Variants in MYLK3 observed in about 807,000 individuals in gnomAD.
MYLK3 encodes the protein myosin light chain kinase 3.
Under a neutral mutation model 76.3 loss-of-function variants are expected in MYLK3, and 55 were observed. The observed-to-expected ratio is 0.72, with a 90% CI of 0.58 to 0.90. The LOEUF (loss-of-function observed/expected upper bound fraction) is 0.90. MYLK3 is among the 40% of genes least tolerant of loss of function. The pLI is 0.00. For synonymous variants in MYLK3, 416 were observed against 425.4 expected, an observed-to-expected ratio of 0.98 and a Z score of 0.27; for missense variants, 973 against 1,053.6, an observed-to-expected ratio of 0.92 and a Z score of 1.06.
In MYLK3 at chr16:46,732,256, C is replaced by T. The variant is rs781319168; in HGVS notation, c.1414G>A (p.Ala472Thr). ...CAARAPVRAE[A>T]VRRMPPGAEA... ...GCGCCTGGGGGCATCCTCCTTACTG[C>T]TTCAGCTCTCACCGGAGCCCTGGCT... Residue 472 changes from alanine (A) to threonine (T), a missense_variant, in exon 4 of 13, where the codon GCA becomes ACA. Ala to Thr is a moderately conservative substitution (Grantham distance 58). This residue lies in a region of MYLK3 where 641 missense variants were observed against 637.0 expected (regional missense o/e 1.01). Transcript: ENST00000394809. 1.2e-6 allele frequency: 2 copies of T among 1,603,430 alleles called. No individual in the cohort carries two copies. Among genetic ancestry groups the T allele is most frequent in the Non-Finnish European group, 1.7e-6 (2 of 1,179,048 alleles).
intron 3 of MYLK3, among the ~76,000 whole-genome samples, chr16:46,733,909 T>C (rs1966858010): frequency 6.6e-6 from 1 of 152,174 alleles, no homozygotes; most frequent in Admixed American, 6.5e-5. Context: ...CGGTGATACC[T>C]TACAGATGCA....
intron 1 of MYLK3, among the ~76,000 whole-genome samples, chr16:46,756,359 A>C (rs904152651): frequency 1.3e-5 from 2 of 152,250 alleles, no homozygotes; most frequent in African/African-American, 4.8e-5. Context: ...GGGGAGTGTG[A>C]GAAAGCTAAG....
At chr16:46,714,316 G>T (rs921969617) in intron 9 of MYLK3, among the ~76,000 whole-genome samples, 1 of 152,188 alleles carries the variant, frequency 6.6e-6, no homozygotes, top group Non-Finnish European at 1.5e-5. Context: ...TAAATAAAAT[G>T]AACATTCTGC....
chr16:46,716,463 G>A (rs1019333553), intron 9 of MYLK3, among the ~76,000 whole-genome samples: 1 of 149,610 alleles, frequency 6.7e-6, no homozygotes, highest in Admixed American at 6.8e-5. Context: ...ATATATGTGT[G>A]TATATATATA....
At chr16:46,730,150 G>A (rs1482272636) in intron 5 of MYLK3, among the ~76,000 whole-genome samples, 2 of 52,118 alleles carry the variant, frequency 3.8e-5, no homozygotes, top group Non-Finnish European at 3.8e-5. Flanking sequence ...CCCCCTCACC[G>A]CACACCACCT....
At chr16:46,758,079 A>C (rs1381744006) in intron 1 of MYLK3, among the ~76,000 whole-genome samples, 2 of 151,902 alleles carry the variant, frequency 1.3e-5, no homozygotes, top group African/African-American at 2.4e-5. Context: ...CTCAGGAGGC[A>C]GCAAAGAGGC....
intron 2 of MYLK3, among the ~76,000 whole-genome samples, chr16:46,739,326 CT>C (rs1966893071): frequency 6.6e-6 from 1 of 152,124 alleles, no homozygotes. Context: ...GTCTATTTGA[CT>C]TTGGAACCAC....
intron 9 of MYLK3, among the ~76,000 whole-genome samples, chr16:46,720,374 A>AT (rs1966787194): frequency 6.6e-6 from 1 of 151,920 alleles, no homozygotes. Context: ...TAATTTTTGT[A>AT]TTTTTTGTAG....
chr16:46,735,520 T>G (rs1031958700), intron 3 of MYLK3, among the ~76,000 whole-genome samples: 1 of 152,156 alleles, frequency 6.6e-6, no homozygotes, highest in Non-Finnish European at 1.5e-5. Flanking sequence ...TTTATCCCAA[T>G]TTTTTAAAAG....
intron 9 of MYLK3, among the ~76,000 whole-genome samples, chr16:46,719,154 C>T (rs945492759): frequency 1.3e-5 from 2 of 151,978 alleles, no homozygotes; most frequent in African/African-American, 4.8e-5. Context: ...TGGTGAAACC[C>T]CGTCTCTACT....
At chr16:46,723,351 TG>T (rs1275084275) in intron 8 of MYLK3, among the ~76,000 whole-genome samples, 5 of 152,234 alleles carry the variant, frequency 3.3e-5, no homozygotes, top group Non-Finnish European at 7.3e-5. Flanking sequence ...AATATTCCAT[TG>T]TATGGATTAG....
At chr16:46,738,270 C>A in intron 2 of MYLK3, 127 bp from the exon 3 acceptor site, 1 of 844,772 alleles carries the variant, frequency 1.2e-6, no homozygotes, top group Non-Finnish European at 1.8e-6. Context: ...TGGAAGCAAC[C>A]CAAATGAAAG....
chr16:46,708,216 GGT>G (rs1193806498), intron 12 of MYLK3, among the ~76,000 whole-genome samples: 1 of 151,958 alleles, frequency 6.6e-6, no homozygotes, highest in Non-Finnish European at 1.5e-5. Flanking sequence ...AGGTTACCCA[GGT>G]TTATCCTGCC....
At chr16:46,731,643 G>A (rs947760481) in intron 4 of MYLK3, among the ~76,000 whole-genome samples, 2 of 152,182 alleles carry the variant, frequency 1.3e-5, no homozygotes, top group Non-Finnish European at 2.9e-5. Flanking sequence ...TAGATCATAA[G>A]AACACACCCT....
chr16:46,722,905 T>C (rs1471356759), intron 8 of MYLK3, among the ~76,000 whole-genome samples: 1 of 152,120 alleles, frequency 6.6e-6, no homozygotes, highest in African/African-American at 2.4e-5. Context: ...TGAGACGGGG[T>C]TTCACCATGT....
intron 8 of MYLK3, 66 bp from the exon 9 acceptor site, chr16:46,721,259 T>C: frequency 6.9e-7 from 1 of 1,445,508 alleles, no homozygotes; most frequent in South Asian, 1.1e-5. Flanking sequence ...GCCACACTTG[T>C]CTATAGGCCT....
intron 8 of MYLK3, chr16:46,726,605 GAGAGA>G (rs1384797553): frequency 6.7e-6 from 1 of 148,604 alleles, no homozygotes; most frequent in East Asian, 2.0e-4. Context: ...GAGAGAGAGA[GAGAGA>G]AAAGAGAAAG....
At position 46,729,063 on chromosome 16, in the gene MYLK3, G is replaced by C; in HGVS notation, c.1733C>G (p.Ala578Gly). 1 of 1,614,142 alleles carries C rather than the reference G, an allele frequency of 6.2e-7. No individual in the cohort carries two copies. Among genetic ancestry groups the C allele is most frequent in the Non-Finnish European group, 8.5e-7 (1 of 1,179,970 alleles). Residue 578 changes from alanine (A) to glycine (G), a missense_variant, in exon 7 of 13, where the codon GCC becomes GGC. Transcript: ENST00000394809. ...SHVNLIQLYD[A>G]FESKHSCTLV... ...GGTGCAGCTGTGCTTGCTCTCGAAG[G>C]CGTCATAGAGCTGGATCAGGTTCAC...
At chr16:46,762,312 A>T (rs1967288426) in intron 1 of MYLK3, among the ~76,000 whole-genome samples, 1 of 152,152 alleles carries the variant, frequency 6.6e-6, no homozygotes, top group African/African-American at 2.4e-5. Flanking sequence ...TATTTTCTAT[A>T]TTTCATTTAT....
Sources: allele counts gnomAD v4.1 joint callset (sites outside exome capture counted in the v4.1 genomes callset), GRCh38; gene constraint gnomAD v4.1.1; regional missense constraint gnomAD v4.1.1; transcripts MANE v1.5; gene names NCBI Gene and HGNC (gene_info 2026-07-23, HGNC 2026-07-21).